RPS6KB1: variants seen among roughly 807,000 people sequenced by gnomAD.
The protein encoded by RPS6KB1 is ribosomal protein S6 kinase B1.
RPS6KB1 carries 12 observed loss-of-function variants against 70.2 expected under a neutral mutation model. The ratio of observed to expected loss-of-function variants is 0.17; its 90% CI spans 0.11 to 0.28. The LOEUF is 0.28. Ranked by LOEUF, RPS6KB1 falls within the 10% of genes least tolerant of loss-of-function variation. RPS6KB1 has a pLI of 1.00. For missense variants in RPS6KB1, 270 were observed against 646.6 expected, an observed-to-expected ratio of 0.42 and a Z score of 6.32; for synonymous variants, 175 against 211.2, an observed-to-expected ratio of 0.83 and a Z score of 1.49.
At position 59,893,573 on chromosome 17, in the gene RPS6KB1, A is replaced by G. The variant is rs1351693013; in HGVS notation, c.141+248A>G. ...GCAGCCCCGAGCGATCTGAAGAGGG[A>G]AAGAGAACGGGCGCGTGGTCGATTC... On this transcript the variant is annotated intron_variant, in intron 1 of 14. Transcript: ENST00000225577. This position sits in a 1 kb window ranked among gnomAD's most constrained non-coding sequence, Gnocchi z 4.1. 2.6e-5 allele frequency among the ~76,000 whole-genome samples: 4 copies of G among 152,112 alleles called. No homozygotes were observed. The highest frequency in any genetic ancestry group is 9.7e-5 in the African/African-American group (4 of 41,438).
At chr17:59,930,802 C>T (rs1192270125) in intron 6 of RPS6KB1, 1 of 152,094 alleles carries the variant, frequency 6.6e-6, no homozygotes, top group African/African-American at 2.4e-5. Flanking sequence ...AATTTCAGGC[C>T]TTTTCTAACA....
chr17:59,920,802 G>C (rs1216790146), intron 4 of RPS6KB1, among the ~76,000 whole-genome samples: 1 of 152,152 alleles, frequency 6.6e-6, no homozygotes, highest in African/African-American at 2.4e-5. Context: ...GGGTTCCAGT[G>C]ATTCTAGGGC....
At position 59,946,708 on chromosome 17, in the gene RPS6KB1, C is replaced by A; in HGVS notation, c.1498C>A (p.Gln500Lys). ...GEASAPLPIR[Q>K]PNSGPYKKQA... ...AGCATCGGCACCACTTCCAATACGA[C>A]AGCCGAACTCTGGGCCATACAAAAA... Residue 500 changes from glutamine to lysine, a missense_variant, in exon 15 of 15, where the codon CAG becomes AAG. Physicochemically the swap from Gln to Lys is moderately conservative, Grantham distance 53. This residue lies in a region of RPS6KB1 where 133 missense variants were observed against 314.7 expected (regional missense o/e 0.42). Coordinates refer to ENST00000225577, the MANE Select transcript of RPS6KB1 (RefSeq NM_003161.4). This position sits in a 1 kb window ranked among gnomAD's most constrained non-coding sequence, Gnocchi z 4.2. 1 of 1,614,152 alleles carries A rather than the reference C, an allele frequency of 6.2e-7. No homozygotes were observed. The highest frequency in any genetic ancestry group is 8.5e-7 in the Non-Finnish European group (1 of 1,180,022).
rs764336701 is a variant in RPS6KB1 at position 59,910,614 on chromosome 17, A to G, written c.191+3A>G. 25 of 1,558,508 alleles carry G rather than the reference A, an allele frequency of 1.6e-5. 1 individual carries two copies. In the East Asian group the frequency reaches 4.7e-4, roughly 30 times the overall value. Reference sequence around the variant, plus strand: ...GGGGGAGTTGGACCATATGAACTGTAAGTTTATATGAAGAGATTTTCATTG... The same window carrying G: ...GGGGGAGTTGGACCATATGAACTGTGAGTTTATATGAAGAGATTTTCATTG... On this transcript the variant is annotated splice_donor_region_variant and intron_variant, in intron 2 of 14. Transcript: ENST00000225577.
In RPS6KB1 at chr17:59,893,321, A is replaced by AGGTGAGGGCCG; in HGVS notation, c.139_140insTGAGGGCCGGG (p.Gly47ValfsTer8). 6.2e-7 allele frequency: 1 copy of AGGTGAGGGCCG among 1,606,242 alleles called. No individual in the cohort carries two copies. Among genetic ancestry groups the AGGTGAGGGCCG allele is most frequent in the Non-Finnish European group, 8.5e-7 (1 of 1,176,658 alleles). ...GCGGGCTCTGAGGATGAGCTGGAGG[A>AGGTGAGGGCCG]GGGGGTGAGGCCCGGGGTCCCCGGG... On this transcript the variant is annotated frameshift_variant, in exon 1 of 15. Coordinates refer to ENST00000225577, the MANE Select transcript of RPS6KB1 (RefSeq NM_003161.4). LOFTEE classifies it high-confidence loss of function. This position sits in a 1 kb window ranked among gnomAD's most constrained non-coding sequence, Gnocchi z 4.1.
At chr17:59,918,465 G>A (rs745669841) in intron 4 of RPS6KB1, among the ~76,000 whole-genome samples, 41 of 151,766 alleles carry the variant, frequency 2.7e-4, no homozygotes, top group South Asian at 6.2e-4. Flanking sequence ...TGCCTCCTGC[G>A]TTCAAGCGAT....
chr17:59,927,643 A>G (rs1229323483), intron 5 of RPS6KB1, among the ~76,000 whole-genome samples: 1 of 150,608 alleles, frequency 6.6e-6, no homozygotes, highest in Admixed American at 6.6e-5. Context: ...ATTAGCTGGG[A>G]CTACAGGCAT....
intron 1 of RPS6KB1, among the ~76,000 whole-genome samples, chr17:59,909,953 A>C (rs915158585): frequency 6.6e-6 from 1 of 152,058 alleles, no homozygotes; most frequent in Non-Finnish European, 1.5e-5. Context: ...TGGAGGTTGC[A>C]GTGAGCCGAG....
rs760796188 is a variant in RPS6KB1 at position 59,936,262 on chromosome 17, C to T, written c.1026C>T (p.Asp342=). ...AASRLGAGPG[D]AGEVQAHPFF... ...CTCGTCTGGGAGCTGGTCCTGGGGA[C>T]GCTGGAGAAGTTCAAGTAGGGATTG... Residue 342 remains aspartate, a synonymous_variant, in exon 11 of 15, where the codon GAC becomes GAT. Transcript: ENST00000225577. The T allele has an allele frequency of 2.9e-5, 46 of 1,595,832 alleles. No individual in the cohort carries two copies. Among genetic ancestry groups the T allele is most frequent in the Middle Eastern group, 1.7e-4 (1 of 6,012 alleles).
chr17:59,933,635 A>G (rs2044072782), intron 7 of RPS6KB1, among the ~76,000 whole-genome samples: 1 of 152,194 alleles, frequency 6.6e-6, no homozygotes, highest in Non-Finnish European at 1.5e-5. Context: ...GATTCATACT[A>G]TCTAGCAATT....
intron 1 of RPS6KB1, among the ~76,000 whole-genome samples, chr17:59,905,654 G>A (rs1338454587): frequency 5.3e-5 from 8 of 151,256 alleles, no homozygotes; most frequent in African/African-American, 1.5e-4. Context: ...ACAGGCTCCC[G>A]CCACAATGCC....
At chr17:59,894,794 A>T (rs1200721367) in intron 1 of RPS6KB1, among the ~76,000 whole-genome samples, 1 of 151,542 alleles carries the variant, frequency 6.6e-6, no homozygotes, top group Non-Finnish European at 1.5e-5. Context: ...TAGTAGAGAC[A>T]GGGTTTCACC....
chr17:59,908,590 A>C (rs2042405699), intron 1 of RPS6KB1, among the ~76,000 whole-genome samples: 1 of 149,386 alleles, frequency 6.7e-6, no homozygotes, highest in Non-Finnish European at 1.5e-5. Flanking sequence ...TAGCCTCTAC[A>C]GTTAAGTTGT....
chr17:59,900,225 CACACA>C (rs1568377606), intron 1 of RPS6KB1, among the ~76,000 whole-genome samples: 124 of 142,636 alleles, frequency 8.7e-4, no homozygotes, highest in South Asian at 1.8e-3. Flanking sequence ...CACACACACA[CACACA>C]CCCCTATGTG....
Position 59,947,790 on chromosome 17 carries a change from T to C in RPS6KB1, c.*1002T>C. On this transcript the variant is annotated 3_prime_UTR_variant, in exon 15 of 15. Transcript: ENST00000225577. ...GAGAGTCAGGATAAAAAATACATACTGTGGTCGGCAAGGTGAGGGAGATAG... is the reference window on the plus strand; with the variant it reads ...GAGAGTCAGGATAAAAAATACATACCGTGGTCGGCAAGGTGAGGGAGATAG... 1.9e-6 allele frequency: 1 copy of C among 530,828 alleles called. No homozygotes were observed. Among genetic ancestry groups the C allele is most frequent in the Non-Finnish European group, 3.4e-6 (1 of 292,880 alleles). 32.9% of individuals were successfully genotyped at this position (530,828 alleles called of 1,614,324 possible). A position where few individuals can be genotyped will look rare whatever the true frequency, so the allele number is the denominator to read the frequency against.
At position 59,905,220 on chromosome 17, in the gene RPS6KB1, C is replaced by T. The variant is rs541997882; in HGVS notation, c.142-5342C>T. ...ACCAAGTTTCACCATGTTGCCCAGG[C>T]TGGTCTCAAACTCCTGAGCTCAAGT... On this transcript the variant is annotated intron_variant, in intron 1 of 14. Coordinates refer to ENST00000225577, the MANE Select transcript of RPS6KB1 (RefSeq NM_003161.4). Among the ~76,000 whole-genome samples the T allele has an allele frequency of 3.7e-4, 57 of 152,078 alleles. 1 individual carries two copies. The highest frequency in any genetic ancestry group is 2.0e-3 in the Admixed American group (30 of 15,246).
chr17:59,912,683 G>A lies in RPS6KB1; in HGVS notation c.192-1G>A, dbSNP rs111992798. 1 of 1,609,218 alleles carries A rather than the reference G, an allele frequency of 6.2e-7. No homozygotes were observed. Among genetic ancestry groups the A allele is most frequent in the Non-Finnish European group, 8.5e-7 (1 of 1,177,510 alleles). Reference sequence around the variant, plus strand: ...ATTTTTGGTTTTGCTTTTCTTCCCAGTGGCATGGAACATTGTGAGAAATTT... The same window carrying A: ...ATTTTTGGTTTTGCTTTTCTTCCCAATGGCATGGAACATTGTGAGAAATTT... On this transcript the variant is annotated splice_acceptor_variant, in intron 2 of 14. Transcript: ENST00000225577. LOFTEE classifies it high-confidence loss of function.
At chr17:59,928,844 T>G (rs1274832643) in intron 5 of RPS6KB1, among the ~76,000 whole-genome samples, 2 of 152,230 alleles carry the variant, frequency 1.3e-5, no homozygotes, top group Non-Finnish European at 2.9e-5. Flanking sequence ...GTTTGTAGAA[T>G]GCTTTGGGTT....
intron 6 of RPS6KB1, 88 bp downstream of exon 6, chr17:59,930,262 T>C: frequency 1.2e-6 from 1 of 827,744 alleles, no homozygotes; most frequent in Non-Finnish European, 2.1e-6. Context: ...ATTCAGTAAA[T>C]TGAGCTGGAG....
Sources: allele counts gnomAD v4.1 joint callset (sites outside exome capture counted in the v4.1 genomes callset), GRCh38; gene constraint gnomAD v4.1.1; regional missense constraint gnomAD v4.1.1; non-coding constraint Gnocchi (gnomAD v3.1); transcripts MANE v1.5; gene names NCBI Gene and HGNC (gene_info 2026-07-23, HGNC 2026-07-21).